The following LINGO1 variants were observed in gnomAD, a reference collection of about 807,000 sequenced individuals.
LINGO1 encodes the protein leucine rich repeat and Ig domain containing 1.
In LINGO1, 11 loss-of-function variants were observed where a neutral mutation model predicts 37.3. The ratio of observed to expected loss-of-function variants is 0.29; its 90% CI spans 0.19 to 0.49. LINGO1 has a LOEUF of 0.49. Among genes scored for constraint, LINGO1 ranks in the 20% least tolerant of loss-of-function variants. The probability of loss-of-function intolerance (pLI) is 0.99; values close to 1 mark genes in which losing one functional copy is unlikely to be tolerated. For missense variants in LINGO1, 585 were observed against 878.2 expected (o/e 0.67, Z 4.22); for synonymous variants, 387 against 403.0 (o/e 0.96, Z 0.48).
At chr15:77,757,221 A>G (rs1369503917) in intron 1 of LINGO1, among the ~76,000 whole-genome samples, 1 of 152,206 alleles carries the variant, frequency 6.6e-6, no homozygotes, top group East Asian at 1.9e-4. Context: ...TTGACATTTG[A>G]GACTTTGATA....
At chr15:77,631,695 G>A (rs528422424) in intron 1 of LINGO1, among the ~76,000 whole-genome samples, 3 of 152,356 alleles carry the variant, frequency 2.0e-5, no homozygotes, top group African/African-American at 4.8e-5. Flanking sequence ...CGGGCTGAAC[G>A]CAGACAAAGG....
chr15:77,739,907 C>A (rs1200638960), intron 1 of LINGO1, among the ~76,000 whole-genome samples: 1 of 152,258 alleles, frequency 6.6e-6, no homozygotes, highest in Non-Finnish European at 1.5e-5. Flanking sequence ...CCCCTCCAGC[C>A]AGTTGCTCCT....
chr15:77,709,167 A>C (rs1567538734), intron 2 of LINGO1, among the ~76,000 whole-genome samples: 1 of 152,214 alleles, frequency 6.6e-6, no homozygotes, highest in Non-Finnish European at 1.5e-5. Flanking sequence ...GGTTTATAGT[A>C]ATTTGTTACG....
At chr15:77,691,124 T>G (rs1343021907) in intron 1 of LINGO1, among the ~76,000 whole-genome samples, 4 of 152,234 alleles carry the variant, frequency 2.6e-5, no homozygotes, top group African/African-American at 9.6e-5. Context: ...ATGCGGATAT[T>G]GCAATGTGGA....
chr15:77,753,868 G>A (rs1382511525), intron 1 of LINGO1, among the ~76,000 whole-genome samples: 1 of 152,230 alleles, frequency 6.6e-6, no homozygotes. Context: ...CTCACCCAAA[G>A]AGGCAGGGAA....
upstream of LINGO1, among the ~76,000 whole-genome samples, chr15:77,696,740 A>G (rs2075700487): frequency 6.6e-6 from 1 of 152,208 alleles, no homozygotes; most frequent in African/African-American, 2.4e-5. Flanking sequence ...GTGGCTGAGT[A>G]GGAGCTTCAG....
intron 1 of LINGO1, among the ~76,000 whole-genome samples, chr15:77,809,328 G>A (rs755165151): frequency 1.7e-4 from 26 of 152,218 alleles, no homozygotes; most frequent in Non-Finnish European, 2.8e-4. Flanking sequence ...CAAAGGCAGC[G>A]GGATCCGGGG....
intron 2 of LINGO1, among the ~76,000 whole-genome samples, chr15:77,728,135 G>A (rs541032144): frequency 2.0e-5 from 3 of 152,354 alleles, no homozygotes; most frequent in Admixed American, 6.5e-5. Flanking sequence ...TGCCTGCCTG[G>A]CAGAAATGGC....
intron 2 of LINGO1, among the ~76,000 whole-genome samples, chr15:77,793,756 T>C (rs556336956): frequency 6.6e-6 from 1 of 152,230 alleles, no homozygotes; most frequent in Admixed American, 6.5e-5. Flanking sequence ...AATCTTGGTA[T>C]GGGATTAAGT....
intron 2 of LINGO1, among the ~76,000 whole-genome samples, chr15:77,689,308 C>G (rs1346103004): frequency 1.3e-5 from 2 of 151,776 alleles, no homozygotes; most frequent in Non-Finnish European, 2.9e-5. Context: ...GCAGGAAGAG[C>G]AAAAACCAGA....
intron 1 of LINGO1, among the ~76,000 whole-genome samples, chr15:77,628,004 C>G (rs1388058628): frequency 2.0e-5 from 3 of 152,200 alleles, no homozygotes; most frequent in Non-Finnish European, 4.4e-5. Flanking sequence ...TCAAGGCCAT[C>G]ATGAAATACC....
At chr15:77,763,090 C>T (rs996915428) in intron 1 of LINGO1, among the ~76,000 whole-genome samples, 3 of 152,218 alleles carry the variant, frequency 2.0e-5, no homozygotes, top group African/African-American at 7.2e-5. Flanking sequence ...CAGAATTAAG[C>T]ACAAGTTATA....
At chr15:77,646,088 T>A (rs75707862) in intron 3 of LINGO1, among the ~76,000 whole-genome samples, 2,896 of 152,332 alleles carry the variant, frequency 0.019, 103 homozygotes, top group African/African-American at 0.065. Context: ...GGCTTCAGCA[T>A]GAGCCTGGTG....
At chr15:77,732,812 C>T (rs2076166327) in intron 2 of LINGO1, among the ~76,000 whole-genome samples, 1 of 152,240 alleles carries the variant, frequency 6.6e-6, no homozygotes, top group Non-Finnish European at 1.5e-5. Context: ...CCATGCCCCC[C>T]AGCACGCATG....
chr15:77,789,030 C>T (rs1247113720), upstream of LINGO1, among the ~76,000 whole-genome samples: 1 of 152,162 alleles, frequency 6.6e-6, no homozygotes, highest in Non-Finnish European at 1.5e-5. Context: ...CAGCTTGGGG[C>T]GGCCTCGATA....
At chr15:77,752,132 A>G (rs1704908370) in intron 1 of LINGO1, among the ~76,000 whole-genome samples, 1 of 152,204 alleles carries the variant, frequency 6.6e-6, no homozygotes, top group South Asian at 2.1e-4. Context: ...CTGTGCCAGG[A>G]AAACGCTGCT....
At position 77,613,565 on chromosome 15, in the gene LINGO1, GGAA is replaced by G. The variant is rs768749170; in HGVS notation, c.*476_*478del. Reference sequence around the variant, plus strand: ...CCACTGGGGAAGAGAAGAGAAAGGAGGAAGAAGAGGAGGAGGAGGAAGAGAAAA... The same window carrying G: ...CCACTGGGGAAGAGAAGAGAAAGGAGGAAGAGGAGGAGGAGGAAGAGAAAA... On this transcript the variant is annotated 3_prime_UTR_variant, in exon 2 of 2. Coordinates refer to ENST00000355300, the MANE Select transcript of LINGO1 (RefSeq NM_032808.7). 30 of 161,026 alleles carry G rather than the reference GGAA, an allele frequency of 1.9e-4. No individual in the cohort carries two copies. Among genetic ancestry groups the G allele is most frequent in the Non-Finnish European group, 3.3e-4 (24 of 72,756 alleles). The allele number at this position is 161,026 out of a possible 1,614,324, so 10.0% of individuals were successfully genotyped here.
At chr15:77,700,174 G>A (rs932530257), upstream of LINGO1, among the ~76,000 whole-genome samples, 2 of 152,112 alleles carry the variant, frequency 1.3e-5, no homozygotes, top group East Asian at 1.9e-4. Flanking sequence ...ACCTGCTCCC[G>A]GCCTCCTCAG....
At chr15:77,701,952 G>A (rs759888522) in intron 2 of LINGO1, among the ~76,000 whole-genome samples, 16 of 152,200 alleles carry the variant, frequency 1.1e-4, no homozygotes, top group African/African-American at 1.9e-4. Flanking sequence ...GTTTGGGGGT[G>A]TGGTTTAAGA....
Sources: gnomAD v4.1 joint callset for allele counts (sites outside exome capture counted in the v4.1 genomes callset) on GRCh38, gnomAD v4.1.1 for gene constraint, MANE v1.5 for transcripts, NCBI Gene and HGNC (gene_info 2026-07-23, HGNC 2026-07-21) for gene names.